Variants in CHRM1 observed in about 807,000 individuals in gnomAD.
CHRM1 encodes muscarinic acetylcholine receptor M1.
In CHRM1, 5 loss-of-function variants were observed where a neutral mutation model predicts 31.6. The ratio of observed to expected loss-of-function variants is 0.16; its 90% CI spans 0.08 to 0.33. The LOEUF (loss-of-function observed/expected upper bound fraction) is 0.33, where lower values mean the gene tolerates loss of function less well. Among genes scored for constraint, CHRM1 ranks in the 10% least tolerant of loss-of-function variants. CHRM1 has a pLI of 1.00. For synonymous variants in CHRM1, 227 were observed against 249.7 expected (o/e 0.91, Z 0.86); for missense variants, 338 against 610.3 (o/e 0.55, Z 4.70).
intron 1 of CHRM1, among the ~76,000 whole-genome samples, chr11:62,920,287 G>T (rs2135050077): frequency 6.6e-6 from 1 of 152,248 alleles, no homozygotes; most frequent in African/African-American, 2.4e-5. Flanking sequence ...CTCTCCATTG[G>T]CTCTGATAAC....
intron 1 of CHRM1, among the ~76,000 whole-genome samples, chr11:62,911,879 C>T (rs1337403781): frequency 6.6e-6 from 1 of 152,122 alleles, no homozygotes; most frequent in East Asian, 1.9e-4. Context: ...AGGGGAGTTC[C>T]TGAGAAGATA....
At chr11:62,917,520 C>T (rs60668695) in intron 1 of CHRM1, among the ~76,000 whole-genome samples, 4,550 of 152,198 alleles carry the variant, frequency 0.03, 234 homozygotes, top group African/African-American at 0.1. Flanking sequence ...GGTAAATGAC[C>T]GTCCTGACCT....
chr11:62,920,465 A>G (rs1263294513), intron 1 of CHRM1, among the ~76,000 whole-genome samples: 2 of 152,034 alleles, frequency 1.3e-5, no homozygotes, highest in South Asian at 2.1e-4. Flanking sequence ...GTGGGTGCCC[A>G]TTGGTATCCA....
At position 62,909,399 on chromosome 11, in the gene CHRM1, T is replaced by A; in HGVS notation, c.*319A>T. ...CCTTCTTTCTCCTGGCCCGCCCTGC[T>A]GGCTCCTGACTTCCTGCCTAAAGGC... is the stretch of plus-strand genomic sequence containing the variant. On this transcript the variant is annotated 3_prime_UTR_variant, in exon 2 of 2. Coordinates refer to ENST00000306960, the MANE Select transcript of CHRM1 (RefSeq NM_000738.3). 1 of 366,492 alleles carries A rather than the reference T, an allele frequency of 2.7e-6. No individual in the cohort carries two copies. The highest frequency in any genetic ancestry group is 5.0e-6 in the Non-Finnish European group (1 of 201,934). 22.7% of individuals were successfully genotyped at this position (366,492 alleles called of 1,614,324 possible). A position where few individuals can be genotyped will look rare whatever the true frequency, so the allele number is the denominator to read the frequency against.
In CHRM1 at chr11:62,920,096, T is replaced by G. The variant is rs531727161; in HGVS notation, c.-79+1122A>C. Among the ~76,000 whole-genome samples, 55 of 152,326 alleles carry G rather than the reference T, an allele frequency of 3.6e-4. 1 individual carries two copies. Among genetic ancestry groups the G allele is most frequent in the Admixed American group, 1.5e-3 (23 of 15,302 alleles). On this transcript the variant is annotated intron_variant, in intron 1 of 1. Coordinates refer to ENST00000306960, the MANE Select transcript of CHRM1 (RefSeq NM_000738.3). ...GCCGCGATAGCGACTGCAGCTTGCC[T>G]GGTGGCTGAGGTCAGAGGGCAGAGA...
At chr11:62,914,188 C>T (rs752797531) in intron 1 of CHRM1, among the ~76,000 whole-genome samples, 8 of 152,236 alleles carry the variant, frequency 5.3e-5, no homozygotes, top group Non-Finnish European at 1.2e-4. Flanking sequence ...TTGTGATCTG[C>T]CTGCCTCGGG....
rs755538109 is a variant in CHRM1 at position 62,910,395 on chromosome 11, C to T, written c.706G>A (p.Gly236Ser). ...GACCTCTCTGAGCTGCTGCTGCTGC[C>T]ACCCCCTTTGCCTGGCGTCTCGGAG... ...QGSETPGKGG[G>S]SSSSSERSQP... is the part of the protein sequence containing the mutation. Residue 236 changes from glycine to serine, a missense_variant, in exon 2 of 2, where the codon GGC becomes AGC. Around this residue, in one of 4 missense-constraint regions of CHRM1, gnomAD observed 183 missense variants for 223.4 expected, o/e 0.82. Transcript: ENST00000306960. The surrounding 1 kb of genome is among the most constrained non-coding windows in gnomAD (Gnocchi z 8.7). The T allele has an allele frequency of 3.1e-6, 5 of 1,611,464 alleles. No individual in the cohort carries two copies. The African/African-American group carries it at 4.0e-5, about 13-fold the overall frequency.
chr11:62,916,484 C>T (rs1156586482), intron 1 of CHRM1, among the ~76,000 whole-genome samples: 1 of 152,128 alleles, frequency 6.6e-6, no homozygotes, highest in Non-Finnish European at 1.5e-5. Flanking sequence ...TCAAGGAGTC[C>T]TTGGAGGTGA....
chr11:62,917,442 AC>A (rs1193946481), intron 1 of CHRM1, among the ~76,000 whole-genome samples: 1 of 151,550 alleles, frequency 6.6e-6, no homozygotes, highest in Non-Finnish European at 1.5e-5. Flanking sequence ...CAGCAGGAAG[AC>A]CCCCCGAGGC....
rs188841384 is a variant in CHRM1, at chr11:62,913,829, C to G, written c.-78-2651G>C. Reference sequence around the variant, plus strand: ...TTTAATCTTAACAGGAGCCTAGGATCAAGGGATGGCTGTTGTCTCCATTTT... The same window carrying G: ...TTTAATCTTAACAGGAGCCTAGGATGAAGGGATGGCTGTTGTCTCCATTTT... On this transcript the variant is annotated intron_variant, in intron 1 of 1. Coordinates refer to ENST00000306960, the MANE Select transcript of CHRM1 (RefSeq NM_000738.3). 8.3e-3 allele frequency among the ~76,000 whole-genome samples: 1,267 copies of G among 151,950 alleles called. 25 individuals are homozygous for G. Among genetic ancestry groups the G allele is most frequent in the Non-Finnish European group, 7.5e-3 (513 of 67,968 alleles).
rs185125825 is a variant in CHRM1, at chr11:62,920,477, G to T, written c.-79+741C>A. ...GGCGTGGGTGCCCATTGGTATCCATGCATTGCCTGGATATAGGACTGAGAC... is the reference window on the plus strand; with the variant it reads ...GGCGTGGGTGCCCATTGGTATCCATTCATTGCCTGGATATAGGACTGAGAC... On this transcript the variant is annotated intron_variant, in intron 1 of 1. Transcript: ENST00000306960. Among the ~76,000 whole-genome samples, 33 of 152,292 alleles carry T rather than the reference G, an allele frequency of 2.2e-4. No individual in the cohort carries two copies. In the East Asian group the frequency reaches 4.1e-3, roughly 19 times the overall value.
intron 1 of CHRM1, among the ~76,000 whole-genome samples, chr11:62,912,874 C>T (rs2085879249): frequency 6.6e-6 from 1 of 152,246 alleles, no homozygotes; most frequent in South Asian, 2.1e-4. Context: ...CAAGGGCCCA[C>T]TGAGCCCTGG....
chr11:62,915,287 G>A (rs1481191784), intron 1 of CHRM1, among the ~76,000 whole-genome samples: 1 of 151,200 alleles, frequency 6.6e-6, no homozygotes, highest in African/African-American at 2.4e-5. Context: ...TGTATGGGGT[G>A]CCCCAAAACT....
chr11:62,919,953 A>G (rs2085923559), intron 1 of CHRM1, among the ~76,000 whole-genome samples: 1 of 150,978 alleles, frequency 6.6e-6, no homozygotes. Context: ...GACACTTTGG[A>G]CTCCCCATTA....
intron 1 of CHRM1, among the ~76,000 whole-genome samples, chr11:62,916,067 C>T (rs1004257805): frequency 6.6e-6 from 1 of 152,146 alleles, no homozygotes; most frequent in African/African-American, 2.4e-5. Flanking sequence ...GCCTCGGCCT[C>T]CCAAAGTACT....
intron 1 of CHRM1, among the ~76,000 whole-genome samples, chr11:62,912,394 A>G (rs1284927587): frequency 1.0e-4 from 15 of 145,254 alleles, no homozygotes; most frequent in Admixed American, 4.8e-4. Context: ...AACCAAAAGG[A>G]AAAAAAAAAG....
intron 1 of CHRM1, among the ~76,000 whole-genome samples, chr11:62,915,659 G>A (rs1179567953): frequency 1.3e-5 from 2 of 152,116 alleles, no homozygotes; most frequent in African/African-American, 4.8e-5. Context: ...GAAGCTTGGC[G>A]CTGAGCCTTC....
rs771444330 is a variant in CHRM1 at position 62,910,115 on chromosome 11, G to A, written c.986C>T (p.Pro329Leu). 40 of 1,610,926 alleles carry A rather than the reference G, an allele frequency of 2.5e-5. No homozygotes were observed. Among genetic ancestry groups the A allele is most frequent in the Admixed American group, 2.3e-4 (14 of 59,830 alleles). Residue 329 changes from proline (P) to leucine (L), a missense_variant, in exon 2 of 2, where the codon CCG becomes CTG. By Grantham distance (98) the Pro-to-Leu change is moderately conservative (BLOSUM62 -3). Transcript: ENST00000306960. This position sits in a 1 kb window ranked among gnomAD's most constrained non-coding sequence, Gnocchi z 8.7. ...PRSSPNTVKR[P>L]TKKGRDRAGK... ...AGCTCGATCACGCCCTTTCTTAGTC[G>A]GCCTCTTGACTGTATTTGGGGAGCT...
Position 62,911,092 on chromosome 11 carries a change from A to G in CHRM1, c.9T>C (p.Thr3=). Residue 3 remains threonine (T), a synonymous_variant, in exon 2 of 2, where the codon ACT becomes ACC. Transcript: ENST00000306960. The stretch of plus-strand genomic sequence containing the variant: ...TGGGGCTGACAGCAGGTGGGGCTGA[A>G]GTGTTCATGGTGGCTAGGTGGGGCT... MN[T]SAPPAVSPNI... 6.2e-7 allele frequency: 1 copy of G among 1,613,742 alleles called. No individual in the cohort carries two copies. The highest frequency in any genetic ancestry group is 8.5e-7 in the Non-Finnish European group (1 of 1,179,842).
Sources: gnomAD v4.1 joint callset for allele counts (sites outside exome capture counted in the v4.1 genomes callset) on GRCh38, gnomAD v4.1.1 for gene constraint, gnomAD v4.1.1 regional missense constraint, Gnocchi (gnomAD v3.1) non-coding constraint, MANE v1.5 for transcripts, NCBI Gene and HGNC (gene_info 2026-07-23, HGNC 2026-07-21) for gene names.